NRG1: variants seen among roughly 807,000 people sequenced by gnomAD.
NRG1 encodes pro-neuregulin-1, membrane-bound isoform.
NRG1 carries 18 observed loss-of-function variants against 63.8 expected under a neutral mutation model. The observed-to-expected ratio is 0.28, with a 90% CI of 0.19 to 0.42. NRG1 has a LOEUF of 0.42. Ranked by LOEUF, NRG1 falls within the 10% of genes least tolerant of loss-of-function variation. The pLI, the probability that NRG1 is intolerant of heterozygous loss-of-function variation, is 1.00. For synonymous variants in NRG1, 302 were observed against 301.3 expected, an observed-to-expected ratio of 1.00 and a Z score of -0.02; for missense variants, 762 against 814.7, an observed-to-expected ratio of 0.94 and a Z score of 0.79.
chr8:32,705,528 G>A (rs1331802553), intron 5 of NRG1, among the ~76,000 whole-genome samples: 1 of 152,200 alleles, frequency 6.6e-6, no homozygotes, highest in African/African-American at 2.4e-5. Flanking sequence ...TAGAAAATTT[G>A]TGAAGGACAT....
At position 31,947,306 on chromosome 8, in the gene NRG1, C is replaced by CAAAAA. The variant is rs61713691; in HGVS notation, c.37+307897_37+307901dup. On this transcript the variant is annotated intron_variant, in intron 1 of 10. Coordinates refer to the NRG1 transcript ENST00000519301. Reference sequence around the variant, plus strand: ...TGGGCGACAGAGTGAGACTCCGTCTCAAAAAAAAAAAAAAAAAAAAAAAAA... The same window carrying CAAAAA: ...TGGGCGACAGAGTGAGACTCCGTCTCAAAAAAAAAAAAAAAAAAAAAAAAAAAAAA... Among the ~76,000 whole-genome samples the CAAAAA allele has an allele frequency of 2.0e-3, 270 of 132,632 alleles. 7 individuals are homozygous for CAAAAA. Among genetic ancestry groups the CAAAAA allele is most frequent in the African/African-American group, 8.2e-3 (254 of 31,074 alleles). 87.0% of individuals were successfully genotyped at this position (132,632 alleles called of 152,430 possible). A position where few individuals can be genotyped will look rare whatever the true frequency, so the allele number is the denominator to read the frequency against.
chr8:32,021,278 AC>A (rs953474525), intron 1 of NRG1, among the ~76,000 whole-genome samples: 2 of 136,190 alleles, frequency 1.5e-5, no homozygotes, highest in Non-Finnish European at 1.7e-5. Flanking sequence ...CAACGGCATG[AC>A]CCTGGCTTCT....
At chr8:32,022,351 A>G (rs943599606) in intron 1 of NRG1, among the ~76,000 whole-genome samples, 3 of 152,098 alleles carry the variant, frequency 2.0e-5, no homozygotes, top group African/African-American at 7.3e-5. Context: ...GCTTCCAGTG[A>G]GTCTGTCAGT....
chr8:31,650,409 T>C (rs893413465), intron 1 of NRG1, among the ~76,000 whole-genome samples: 1 of 152,172 alleles, frequency 6.6e-6, no homozygotes, highest in African/African-American at 2.4e-5. Flanking sequence ...CACCTTCCCA[T>C]ATGAACACTT....
chr8:31,897,471 G>C (rs1343287219), intron 1 of NRG1, among the ~76,000 whole-genome samples: 1 of 152,106 alleles, frequency 6.6e-6, no homozygotes. Flanking sequence ...CTGCAAATCT[G>C]TCTCTCATGA....
intron 5 of NRG1, among the ~76,000 whole-genome samples, chr8:32,673,202 A>G (rs1448728134): frequency 6.6e-6 from 1 of 152,234 alleles, no homozygotes; most frequent in Non-Finnish European, 1.5e-5. Context: ...TCAATTGATA[A>G]TGTATTATAT....
intron 1 of NRG1, among the ~76,000 whole-genome samples, chr8:32,216,248 T>G (rs1845213928): frequency 6.7e-6 from 1 of 150,290 alleles, no homozygotes; most frequent in African/African-American, 2.4e-5. Flanking sequence ...CCATAAATAA[T>G]GCATTCAATT....
rs143402946 is a variant in NRG1 at position 32,202,850 on chromosome 8, G to C, written c.38-392978G>C. ...GAGCCTGGATATTGGGGTTTATATGGATGGGCACACGATAGGGGGTTGCAG... is the reference window on the plus strand; with the variant it reads ...GAGCCTGGATATTGGGGTTTATATGCATGGGCACACGATAGGGGGTTGCAG... On this transcript the variant is annotated intron_variant, in intron 1 of 10. Coordinates refer to the NRG1 transcript ENST00000519301. 3.0e-3 allele frequency among the ~76,000 whole-genome samples: 458 copies of C among 151,108 alleles called. 2 individuals carry two copies. Among genetic ancestry groups the C allele is most frequent in the African/African-American group, 0.011 (435 of 41,168 alleles).
intron 1 of NRG1, among the ~76,000 whole-genome samples, chr8:32,399,333 T>A (rs1412527674): frequency 6.6e-6 from 1 of 152,240 alleles, no homozygotes; most frequent in Non-Finnish European, 1.5e-5. Context: ...GACACGTATT[T>A]AAAATTTCCC....
intron 1 of NRG1, among the ~76,000 whole-genome samples, chr8:32,196,675 G>A (rs2132257113): frequency 6.6e-6 from 1 of 152,148 alleles, no homozygotes. Context: ...AATTCCAAGA[G>A]AAGCCTTCAC....
intron 1 of NRG1, among the ~76,000 whole-genome samples, chr8:31,878,816 C>T (rs990458655): frequency 3.3e-5 from 5 of 152,170 alleles, no homozygotes; most frequent in East Asian, 1.9e-4. Flanking sequence ...CCTCACCGTG[C>T]AGCTCTCTTC....
intron 1 of NRG1, among the ~76,000 whole-genome samples, chr8:31,907,815 G>T (rs1019019063): frequency 6.6e-6 from 1 of 152,112 alleles, no homozygotes; most frequent in Non-Finnish European, 1.5e-5. Flanking sequence ...ACCTCTGATT[G>T]TGTGCAACTA....
chr8:31,829,476 C>T (rs982037117), intron 1 of NRG1, among the ~76,000 whole-genome samples: 1 of 152,182 alleles, frequency 6.6e-6, no homozygotes, highest in African/African-American at 2.4e-5. Flanking sequence ...GATGGACAGA[C>T]CATATCTATA....
intron 1 of NRG1, among the ~76,000 whole-genome samples, chr8:31,941,099 C>T (rs188963840): frequency 1.3e-5 from 2 of 151,718 alleles, no homozygotes; most frequent in East Asian, 1.9e-4. Context: ...TAACAAAAAA[C>T]GAAAACTACA....
intron 1 of NRG1, among the ~76,000 whole-genome samples, chr8:32,089,363 CAGG>C (rs1225190525): frequency 2.0e-5 from 3 of 152,180 alleles, no homozygotes; most frequent in Non-Finnish European, 4.4e-5. Flanking sequence ...ATATGTTTAA[CAGG>C]AGTTTTTCCT....
chr8:32,168,169 A>C (rs1276012184), intron 1 of NRG1, among the ~76,000 whole-genome samples: 2 of 152,198 alleles, frequency 1.3e-5, no homozygotes, highest in Non-Finnish European at 2.9e-5. Flanking sequence ...ATGGAGAGTA[A>C]AGACAAATGG....
chr8:31,728,561 GACAAGTAGA>G (rs1221214870), intron 1 of NRG1, among the ~76,000 whole-genome samples: 1 of 152,052 alleles, frequency 6.6e-6, no homozygotes, highest in Non-Finnish European at 1.5e-5. Flanking sequence ...TGAATATGAT[GACAAGTAGA>G]AAAACCAAAA....
chr8:31,842,576 T>C (rs1586755688), intron 1 of NRG1, among the ~76,000 whole-genome samples: 1 of 152,196 alleles, frequency 6.6e-6, no homozygotes, highest in East Asian at 1.9e-4. Flanking sequence ...ACCATCATGT[T>C]CCTTCTACCT....
chr8:31,806,640 G>A (rs1822315524), intron 1 of NRG1, among the ~76,000 whole-genome samples: 1 of 151,962 alleles, frequency 6.6e-6, no homozygotes, highest in Admixed American at 6.6e-5. Context: ...GCTAATTCCT[G>A]GGGAAAAGGA....
Sources: allele counts gnomAD v4.1 joint callset (sites outside exome capture counted in the v4.1 genomes callset), GRCh38; gene constraint gnomAD v4.1.1; transcripts MANE v1.5; gene names NCBI Gene and HGNC (gene_info 2026-07-23, HGNC 2026-07-21).